PTPRE: variants seen among roughly 807,000 people sequenced by gnomAD.
PTPRE encodes the protein receptor-type tyrosine-protein phosphatase epsilon.
In PTPRE, 51 loss-of-function variants were observed where a neutral mutation model predicts 102.0. The observed-to-expected ratio is 0.50, with a 90% confidence interval of 0.40 to 0.63. The LOEUF is 0.63. PTPRE is among the 30% of genes least tolerant of loss of function. PTPRE has a pLI of 0.00. For missense variants in PTPRE, 752 were observed against 915.1 expected, an observed-to-expected ratio of 0.82 and a Z score of 2.30; for synonymous variants, 345 against 348.2, an observed-to-expected ratio of 0.99 and a Z score of 0.10.
intron 1 of PTPRE, among the ~76,000 whole-genome samples, chr10:127,940,537 C>A (rs1385243554): frequency 6.6e-6 from 1 of 151,268 alleles, no homozygotes; most frequent in Admixed American, 6.6e-5. Context: ...CCTGCTTCCC[C>A]TGCACCCAGC....
At chr10:127,968,835 G>C (rs1394638494) in intron 1 of PTPRE, among the ~76,000 whole-genome samples, 2 of 152,206 alleles carry the variant, frequency 1.3e-5, no homozygotes, top group African/African-American at 2.4e-5. Flanking sequence ...CCTTTCCCTG[G>C]AGATAAGAAG....
At chr10:128,071,968 C>A (rs1196865961) in intron 15 of PTPRE, 170 bp from the exon 16 acceptor site, 3 of 558,550 alleles carry the variant, frequency 5.4e-6, no homozygotes, top group African/African-American at 3.8e-5. Flanking sequence ...AAGAAAAATA[C>A]CCCTGAGCCA....
intron 2 of PTPRE, among the ~76,000 whole-genome samples, chr10:128,030,234 G>C (rs961598272): frequency 1.3e-5 from 2 of 152,232 alleles, no homozygotes; most frequent in Non-Finnish European, 2.9e-5. Flanking sequence ...GGCGAACAAC[G>C]GGGCCACGCC....
chr10:127,914,064 C>T (rs1846041916), intron 1 of PTPRE, among the ~76,000 whole-genome samples: 1 of 152,108 alleles, frequency 6.6e-6, no homozygotes, highest in African/African-American at 2.4e-5. Flanking sequence ...AGCGCCATCC[C>T]TTTAGTGATG....
chr10:128,009,458 T>C (rs979774444), intron 2 of PTPRE, among the ~76,000 whole-genome samples: 1 of 152,238 alleles, frequency 6.6e-6, no homozygotes, highest in Non-Finnish European at 1.5e-5. Flanking sequence ...AGACTTGGTC[T>C]CTGCTTCAGG....
chr10:128,081,196 T>G (rs1247058647), intron 20 of PTPRE, among the ~76,000 whole-genome samples: 2 of 152,132 alleles, frequency 1.3e-5, no homozygotes, highest in Non-Finnish European at 2.9e-5. Flanking sequence ...AAGAGATGAT[T>G]GCTGACCTGC....
At chr10:128,067,479 C>A (rs1041401847) in intron 11 of PTPRE, among the ~76,000 whole-genome samples, 4 of 152,072 alleles carry the variant, frequency 2.6e-5, no homozygotes, top group African/African-American at 7.2e-5. Flanking sequence ...CACATTCACA[C>A]GTGCGCACAT....
At chr10:128,077,895 C>T in intron 19 of PTPRE, 112 bp downstream of exon 19, 1 of 1,231,508 alleles carries the variant, frequency 8.1e-7, no homozygotes, top group African/African-American at 1.5e-5. Context: ...ATGGTATTCC[C>T]TAGAGTCTCC....
intron 1 of PTPRE, among the ~76,000 whole-genome samples, chr10:127,966,042 T>A (rs1850220429): frequency 6.6e-6 from 1 of 152,228 alleles, no homozygotes; most frequent in African/African-American, 2.4e-5. Flanking sequence ...ACTCCCACAC[T>A]CACTGTACAA....
chr10:128,033,078 G>T (rs1414117284), intron 2 of PTPRE, among the ~76,000 whole-genome samples: 2 of 152,170 alleles, frequency 1.3e-5, no homozygotes, highest in Non-Finnish European at 2.9e-5. Context: ...CCACGTAGAA[G>T]CCAGGAAGAA....
chr10:127,965,058 A>T, intron 1 of PTPRE: 2 of 455,948 alleles, frequency 4.4e-6, no homozygotes, highest in South Asian at 3.1e-5. Flanking sequence ...CCCTTTGAAG[A>T]TCTTGCACTT....
rs1003570388 is a variant in PTPRE, at chr10:128,028,536, C to T, written c.-7-12339C>T. Among the ~76,000 whole-genome samples the T allele has an allele frequency of 6.6e-6, 1 of 152,144 alleles. No individual in the cohort carries two copies. The highest frequency in any genetic ancestry group is 1.9e-4 in the East Asian group (1 of 5,174). ...GCACACCTGGCCCTGGCTCAGCCCC[C>T]CAATGTGGACAGGTTGCAGAAGGCC... On this transcript the variant is annotated intron_variant, in intron 2 of 20. Coordinates refer to ENST00000254667, the MANE Select transcript of PTPRE (RefSeq NM_006504.6). The surrounding 1 kb of genome is among the most constrained non-coding windows in gnomAD (Gnocchi z 4.5).
At chr10:127,932,182 G>A (rs569881788) in intron 1 of PTPRE, among the ~76,000 whole-genome samples, 13 of 151,950 alleles carry the variant, frequency 8.6e-5, no homozygotes, top group East Asian at 1.9e-4. Flanking sequence ...TGTCCTCCTC[G>A]AATCAAAAAG....
chr10:128,045,043 G>A (rs529969930), intron 3 of PTPRE, among the ~76,000 whole-genome samples: 2 of 152,290 alleles, frequency 1.3e-5, no homozygotes, highest in South Asian at 2.1e-4. Context: ...CCCAACTCTC[G>A]CCCCCACCTG....
chr10:128,075,238 G>A (rs995414584), intron 17 of PTPRE, among the ~76,000 whole-genome samples: 59 of 152,192 alleles, frequency 3.9e-4, no homozygotes, highest in African/African-American at 1.3e-3. Flanking sequence ...GGGCACTTGA[G>A]TTGGTTTCAT....
intron 20 of PTPRE, among the ~76,000 whole-genome samples, chr10:128,081,724 G>C (rs1208965426): frequency 6.6e-6 from 1 of 152,228 alleles, no homozygotes; most frequent in African/African-American, 2.4e-5. Context: ...TTAGTAGCCA[G>C]AAGTGAGGAC....
At position 127,914,341 on chromosome 10, in the gene PTPRE, A is replaced by G. The variant is rs374316065; in HGVS notation, c.-31+7032A>G. On this transcript the variant is annotated intron_variant, in intron 1 of 20. Transcript: ENST00000254667. Reference sequence around the variant, plus strand: ...TATTCCTTTATTGCAATGCAAGAACAGACTGACACACACAGCACAGGTGGA... The same window carrying G: ...TATTCCTTTATTGCAATGCAAGAACGGACTGACACACACAGCACAGGTGGA... 4.6e-5 allele frequency among the ~76,000 whole-genome samples: 7 copies of G among 152,378 alleles called. No individual in the cohort carries two copies. The East Asian group carries it at 9.6e-4, about 21-fold the overall frequency.
In PTPRE at chr10:127,971,144, A is replaced by G. The variant is rs35190937; in HGVS notation, c.-30-11130A>G. Among the ~76,000 whole-genome samples the G allele has an allele frequency of 9.2e-3, 1,404 of 152,242 alleles. 13 individuals are homozygous for G. The highest frequency in any genetic ancestry group is 0.014 in the Non-Finnish European group (930 of 68,014). On this transcript the variant is annotated intron_variant, in intron 1 of 20. Coordinates refer to ENST00000254667, the MANE Select transcript of PTPRE (RefSeq NM_006504.6). ...TGAAAGTTAGATCGGGAGTCTCCAT[A>G]TGACCTGACTGAGAGCTTCATGTTG...
At chr10:127,990,109 T>G (rs1033895694) in intron 2 of PTPRE, among the ~76,000 whole-genome samples, 3 of 151,830 alleles carry the variant, frequency 2.0e-5, no homozygotes, top group African/African-American at 7.3e-5. Context: ...CCTAGAAAAA[T>G]GATTGATTAG....
Sources: gnomAD v4.1 joint callset for allele counts (sites outside exome capture counted in the v4.1 genomes callset) on GRCh38, gnomAD v4.1.1 for gene constraint, Gnocchi (gnomAD v3.1) non-coding constraint, MANE v1.5 for transcripts, NCBI Gene and HGNC (gene_info 2026-07-23, HGNC 2026-07-21) for gene names.